Variants in UBXN4 observed in about 807,000 individuals in gnomAD.
UBXN4 encodes UBX domain-containing protein 4.
A neutral mutation model predicts 66.2 loss-of-function variants in UBXN4; 35 were observed. The observed-to-expected ratio is 0.53, with a 90% confidence interval of 0.40 to 0.70. UBXN4 has a LOEUF of 0.70. Among genes scored for constraint, UBXN4 ranks in the 30% least tolerant of loss-of-function variants. UBXN4 has a pLI of 0.00. For synonymous variants in UBXN4, 203 were observed against 204.5 expected (o/e 0.99, Z 0.06); for missense variants, 533 against 599.8 (o/e 0.89, Z 1.16).
intron 1 of UBXN4, among the ~76,000 whole-genome samples, chr2:135,745,656 A>G (rs2077202844): frequency 6.6e-6 from 1 of 152,182 alleles, no homozygotes; most frequent in African/African-American, 2.4e-5. Flanking sequence ...AAGGGTTCGT[A>G]GTAAGAATAT....
At chr2:135,751,130 G>C (rs1345670538) in intron 2 of UBXN4, among the ~76,000 whole-genome samples, 3 of 149,866 alleles carry the variant, frequency 2.0e-5, no homozygotes, top group Non-Finnish European at 4.4e-5. Flanking sequence ...TGGGATTACA[G>C]GTATGAGCCA....
intron 5 of UBXN4, among the ~76,000 whole-genome samples, chr2:135,759,940 G>C (rs1417987231): frequency 6.6e-6 from 1 of 151,760 alleles, no homozygotes; most frequent in Non-Finnish European, 1.5e-5. Context: ...AGCTGATTTT[G>C]TATTTTTAGT....
chr2:135,767,747 G>T (rs2077357068), intron 6 of UBXN4, among the ~76,000 whole-genome samples: 1 of 152,178 alleles, frequency 6.6e-6, no homozygotes, highest in Non-Finnish European at 1.5e-5. Context: ...TGGTGAACAT[G>T]TGTACACATT....
intron 12 of UBXN4, 35 bp from the exon 13 acceptor site, chr2:135,782,714 G>A (rs772995096): frequency 1.9e-6 from 3 of 1,600,096 alleles, no homozygotes; most frequent in South Asian, 1.1e-5. Context: ...TTTATTTTAT[G>A]ACATCTTCCC....
At chr2:135,759,125 G>A (rs1353921848) in intron 5 of UBXN4, among the ~76,000 whole-genome samples, 1 of 152,152 alleles carries the variant, frequency 6.6e-6, no homozygotes, top group South Asian at 2.1e-4. Flanking sequence ...TAACGAACTC[G>A]AGGTACTCAT....
At chr2:135,768,302 G>A (rs948004400) in intron 6 of UBXN4, among the ~76,000 whole-genome samples, 58 of 151,840 alleles carry the variant, frequency 3.8e-4, no homozygotes, top group African/African-American at 1.4e-3. Context: ...AGGTTCAAGC[G>A]ATTCTCCTGG....
At chr2:135,768,806 G>T (rs1004679774) in intron 6 of UBXN4, among the ~76,000 whole-genome samples, 2 of 151,692 alleles carry the variant, frequency 1.3e-5, no homozygotes, top group Middle Eastern at 3.2e-3. Flanking sequence ...CAATTGATCC[G>T]CCTGCCTCGG....
intron 2 of UBXN4, among the ~76,000 whole-genome samples, chr2:135,749,879 G>A (rs969339499): frequency 2.0e-5 from 3 of 152,160 alleles, no homozygotes; most frequent in Non-Finnish European, 2.9e-5. Context: ...ATATTTTAAA[G>A]ACACCAGGTC....
At chr2:135,766,718 G>A (rs1460220726) in intron 6 of UBXN4, among the ~76,000 whole-genome samples, 1 of 152,092 alleles carries the variant, frequency 6.6e-6, no homozygotes, top group Non-Finnish European at 1.5e-5. Flanking sequence ...ATGCATTATT[G>A]GAGCTGTAAA....
intron 11 of UBXN4, among the ~76,000 whole-genome samples, chr2:135,779,805 GTATATA>G (rs2077438360): frequency 6.9e-6 from 1 of 144,446 alleles, no homozygotes; most frequent in Non-Finnish European, 1.5e-5. Context: ...AATTACAATT[GTATATA>G]TAATATACAA....
At chr2:135,743,697 T>G (rs1343075801) in intron 1 of UBXN4, among the ~76,000 whole-genome samples, 2 of 152,236 alleles carry the variant, frequency 1.3e-5, no homozygotes, top group East Asian at 3.8e-4. Flanking sequence ...AGTCATGTTT[T>G]TGAACAAATG....
intron 11 of UBXN4, 97 bp downstream of exon 11, chr2:135,779,176 T>C (rs1330396441): frequency 2.4e-6 from 3 of 1,250,446 alleles, no homozygotes; most frequent in African/African-American, 1.5e-5. Context: ...TGCACAGATA[T>C]ACTGAAGGTA....
At chr2:135,752,661 G>A (rs1304527229) in intron 2 of UBXN4, among the ~76,000 whole-genome samples, 3 of 152,200 alleles carry the variant, frequency 2.0e-5, no homozygotes, top group Non-Finnish European at 2.9e-5. Flanking sequence ...CAGCATGGCA[G>A]ATACCAAATT....
intron 1 of UBXN4, among the ~76,000 whole-genome samples, chr2:135,743,972 C>A (rs2077192802): frequency 6.6e-6 from 1 of 152,144 alleles, no homozygotes; most frequent in African/African-American, 2.4e-5. Context: ...AGCAATCTCA[C>A]AAAGGAGTCT....
At chr2:135,754,362 C>T (rs977870453) in intron 4 of UBXN4, 85 bp downstream of exon 4, 2 of 1,081,516 alleles carry the variant, frequency 1.8e-6, no homozygotes, top group African/African-American at 1.6e-5. Context: ...CGTTCTGTCG[C>T]CCAGGCTGGA....
At chr2:135,776,208 A>G (rs2077413530) in intron 9 of UBXN4, 41 bp from the exon 10 acceptor site, 4 of 1,491,384 alleles carry the variant, frequency 2.7e-6, no homozygotes, top group Non-Finnish European at 3.7e-6. Flanking sequence ...TAGAGAATAT[A>G]TAGAGGTGAA....
intron 1 of UBXN4, among the ~76,000 whole-genome samples, chr2:135,744,487 C>G (rs146062693): frequency 1.6e-4 from 25 of 152,102 alleles, no homozygotes; most frequent in Admixed American, 1.6e-3. Flanking sequence ...AATAATCTGA[C>G]GAGACTGAAG....
chr2:135,783,160 T>C lies in UBXN4; in HGVS notation c.*273T>C. The C allele has an allele frequency of 3.7e-6, 1 of 268,542 alleles. No homozygotes were observed. The highest frequency in any genetic ancestry group is 7.0e-6 in the Non-Finnish European group (1 of 142,104). 16.6% of individuals were successfully genotyped at this position (268,542 alleles called of 1,614,324 possible). ...ACAGCCTGCCTCCATCAGCTTCTTA[T>C]TTAGTATTTCATATGCCCATTAGCC... On this transcript the variant is annotated 3_prime_UTR_variant, in exon 13 of 13. Coordinates refer to ENST00000272638, the MANE Select transcript of UBXN4 (RefSeq NM_014607.4).
rs371499434 is a variant in UBXN4, at chr2:135,748,279, A to T, written c.95A>T (p.Gln32Leu). 5.1e-6 allele frequency: 8 copies of T among 1,583,990 alleles called. No homozygotes were observed. Among genetic ancestry groups the T allele is most frequent in the Non-Finnish European group, 6.9e-6 (8 of 1,166,302 alleles). Residue 32 changes from glutamine to leucine, a missense_variant, in exon 2 of 13, where the codon CAG becomes CTG. Physicochemically the swap from Gln to Leu is moderately radical, Grantham distance 113. Coordinates refer to ENST00000272638, the MANE Select transcript of UBXN4 (RefSeq NM_014607.4). ...FVVFVAGDDE[Q>L]STQMAASWED... is the part of the protein sequence containing the mutation. ...AAATGTTTTACAGGTGATGATGAAC[A>T]GTCTACACAGATGGCTGCAAGTTGG...
Sources: gnomAD v4.1 joint callset for allele counts (sites outside exome capture counted in the v4.1 genomes callset) on GRCh38, gnomAD v4.1.1 for gene constraint, MANE v1.5 for transcripts, NCBI Gene and HGNC (gene_info 2026-07-23, HGNC 2026-07-21) for gene names.